PABIR2: variants seen among roughly 807,000 people sequenced by gnomAD.
PABIR2 encodes PABIR family member 2.
Under a neutral mutation model 22.8 loss-of-function variants are expected in PABIR2, and 7 were observed. That is an observed-to-expected ratio of 0.31 (90% CI 0.17 to 0.58). PABIR2 has a LOEUF of 0.58. Among genes scored for constraint, PABIR2 ranks in the 20% least tolerant of loss-of-function variants. PABIR2 has a pLI of 0.89. For synonymous variants in PABIR2, 67 were observed against 73.8 expected (o/e 0.91, Z 0.47); for missense variants, 155 against 205.1 (o/e 0.76, Z 1.49).
intron 8 of PABIR2, among the ~76,000 whole-genome samples, chrX:134,782,729 T>G (rs1458136107): frequency 5.4e-5 from 6 of 112,128 alleles, no homozygotes; most frequent in Non-Finnish European, 9.4e-5. Context: ...CTGTCTATAC[T>G]CCAGTAGAAA....
At chrX:134,776,072 T>C (rs1007992127) in intron 9 of PABIR2, among the ~76,000 whole-genome samples, 4 of 108,481 alleles carry the variant, frequency 3.7e-5, no homozygotes, top group African/African-American at 1.4e-4. Flanking sequence ...GTTGCTCACA[T>C]AAACATCTCT....
intron 9 of PABIR2, among the ~76,000 whole-genome samples, chrX:134,776,109 T>C (rs1017935201): frequency 1.8e-5 from 2 of 111,303 alleles, no homozygotes; most frequent in Non-Finnish European, 3.8e-5. Flanking sequence ...TGTGTGTGTA[T>C]ACACATGTAC....
At chrX:134,780,770 C>T (rs185634117) in intron 9 of PABIR2, among the ~76,000 whole-genome samples, 83 of 111,912 alleles carry the variant, frequency 7.4e-4, no homozygotes, top group African/African-American at 2.5e-3. Flanking sequence ...CACTCAAGTG[C>T]TCAACTTCAG....
intron 7 of PABIR2, among the ~76,000 whole-genome samples, chrX:134,786,792 A>C (rs542261264): frequency 3.6e-5 from 4 of 109,819 alleles, no homozygotes; most frequent in Non-Finnish European, 7.6e-5. Flanking sequence ...CTCTACTAAA[A>C]ATACAAAAAT....
At position 134,796,159 on chromosome X, in the gene PABIR2, T is replaced by C; in HGVS notation, c.47A>G (p.Tyr16Cys). Residue 16 changes from tyrosine to cysteine, a missense_variant, in exon 1 of 10, where the codon TAT (tyrosine) becomes TGT (cysteine). Physicochemically the swap from Tyr to Cys is radical, Grantham distance 194. Coordinates refer to ENST00000343004, the MANE Select transcript of PABIR2 (RefSeq NM_001387468.1). ...GCTGGATCTCCTCAGGGTTCCCCCATAAGATGTGTCAGGCTCAAGGTCCAG... is the reference window on the plus strand; with the variant it reads ...GCTGGATCTCCTCAGGGTTCCCCCACAAGATGTGTCAGGCTCAAGGTCCAG... The part of the protein sequence containing the change: ...MELDLEPDTS[Y>C]GGTLRRSSSA... 2.5e-6 allele frequency: 3 copies of C among 1,210,640 alleles called. No individual in the cohort carries two copies. Among genetic ancestry groups the C allele is most frequent in the Non-Finnish European group, 3.4e-6 (3 of 895,204 alleles).
chrX:134,777,355 G>A (rs1369199148), intron 9 of PABIR2, among the ~76,000 whole-genome samples: 1 of 110,442 alleles, frequency 9.1e-6, no homozygotes, highest in Non-Finnish European at 1.9e-5. Flanking sequence ...GGCGAAACCC[G>A]GTCTCTACAA....
intron 2 of PABIR2, chrX:134,791,627 T>C (rs754678954): frequency 3.0e-6 from 1 of 330,612 alleles, no homozygotes; most frequent in Non-Finnish European, 5.9e-6. Context: ...GTCAAAAGCA[T>C]ATGAACCATT....
chrX:134,781,437 G>A (rs2079154238), intron 9 of PABIR2, among the ~76,000 whole-genome samples: 1 of 112,094 alleles, frequency 8.9e-6, no homozygotes, highest in African/African-American at 3.2e-5. Context: ...AAACTTAAAA[G>A]AAGAGAAGCT....
intron 1 of PABIR2, chrX:134,794,208 C>T (rs1007341113): frequency 7.8e-6 from 1 of 127,840 alleles, no homozygotes; most frequent in African/African-American, 3.2e-5. Context: ...AACCGGTTAC[C>T]ACCAGACCTG....
intron 9 of PABIR2, among the ~76,000 whole-genome samples, chrX:134,772,717 C>T (rs1356790785): frequency 1.8e-5 from 2 of 111,653 alleles, no homozygotes; most frequent in African/African-American, 6.5e-5. Context: ...CATAGTTCCT[C>T]TACTCTAAAA....
At chrX:134,779,780 A>C (rs144274383) in intron 9 of PABIR2, among the ~76,000 whole-genome samples, 3,410 of 112,698 alleles carry the variant, frequency 0.03, 50 homozygotes, top group Middle Eastern at 0.1. Context: ...TAACTTGGTC[A>C]CTTGGTTAGT....
At chrX:134,781,385 C>G (rs910049127) in intron 9 of PABIR2, among the ~76,000 whole-genome samples, 1 of 112,171 alleles carries the variant, frequency 8.9e-6, no homozygotes, top group Non-Finnish European at 1.9e-5. Context: ...CTAAACACCT[C>G]AAGTGAAGCT....
intron 9 of PABIR2, 127 bp downstream of exon 9, chrX:134,781,694 A>T: frequency 2.7e-6 from 1 of 367,268 alleles, no homozygotes; most frequent in Non-Finnish European, 4.2e-6. Context: ...CAAAATAATG[A>T]TATAAAAAAT....
chrX:134,793,184 C>G (rs545983979), intron 2 of PABIR2, among the ~76,000 whole-genome samples: 2 of 111,999 alleles, frequency 1.8e-5, no homozygotes, highest in South Asian at 3.6e-4. Flanking sequence ...CTATGGAAAT[C>G]TAGTTCTGCC....
chrX:134,771,186 A>T lies in PABIR2; in HGVS notation c.*953T>A. 5 of 728,462 alleles carry T rather than the reference A, an allele frequency of 6.9e-6. No individual in the cohort carries two copies. The South Asian group carries it at 1.8e-4, about 26-fold the overall frequency. 60.0% of individuals were successfully genotyped at this position (728,462 alleles called of 1,213,427 possible). On this transcript the variant is annotated 3_prime_UTR_variant, in exon 10 of 10. Transcript: ENST00000343004. ...CCTTATGATATACATCCCTTATAGCATGACAATGTACCCCAAGGCACCTGA... is the reference window on the plus strand; with the variant it reads ...CCTTATGATATACATCCCTTATAGCTTGACAATGTACCCCAAGGCACCTGA...
intron 2 of PABIR2, among the ~76,000 whole-genome samples, chrX:134,791,483 C>T (rs776765536): frequency 1.5e-4 from 16 of 110,084 alleles, no homozygotes; most frequent in African/African-American, 4.0e-4. Flanking sequence ...GAGAGACCTA[C>T]GAAAAAGAAA....
chrX:134,789,375 A>G (rs1280836912), intron 3 of PABIR2, 109 bp from the exon 4 acceptor site: 2 of 1,043,735 alleles, frequency 1.9e-6, no homozygotes, highest in Non-Finnish European at 2.7e-6. Flanking sequence ...AATAAAATAA[A>G]AAGACTTTTT....
intron 7 of PABIR2, 127 bp from the exon 8 acceptor site, chrX:134,786,077 C>A: frequency 1.6e-6 from 1 of 607,525 alleles, no homozygotes; most frequent in Non-Finnish European, 2.6e-6. Context: ...GAAAATTCTT[C>A]TGTAATTGAG....
chrX:134,787,640 CAG>C, intron 6 of PABIR2, 107 bp from the exon 7 acceptor site: 2 of 622,658 alleles, frequency 3.2e-6, no homozygotes, highest in Non-Finnish European at 4.6e-6. Flanking sequence ...TTTTTAGAGA[CAG>C]GGTCTCTCTT....
Sources: gnomAD v4.1 joint callset for allele counts (sites outside exome capture counted in the v4.1 genomes callset) on GRCh38, gnomAD v4.1.1 for gene constraint, MANE v1.5 for transcripts, NCBI Gene and HGNC (gene_info 2026-07-23, HGNC 2026-07-21) for gene names.